The following ADNP2 variants were observed in gnomAD, a reference collection of about 807,000 sequenced individuals.
ADNP2 encodes the protein ADNP homeobox 2.
Under a neutral mutation model 16.4 loss-of-function variants are expected in ADNP2, and 8 were observed. The ratio of observed to expected loss-of-function variants is 0.49; its 90% confidence interval spans 0.29 to 0.88. The LOEUF (loss-of-function observed/expected upper bound fraction) is 0.88. Ranked by LOEUF, ADNP2 falls within the 40% of genes least tolerant of loss-of-function variation. The probability of loss-of-function intolerance (pLI) is 0.09; values close to 1 mark genes in which losing one functional copy is unlikely to be tolerated. For synonymous variants in ADNP2, 637 were observed against 545.8 expected (o/e 1.17, Z -2.33); for missense variants, 1,397 against 1,395.1 (o/e 1.00, Z -0.02).
rs753508145 is a variant in ADNP2 at position 80,138,148 on chromosome 18, C to T, written c.2735C>T (p.Ala912Val). The change falls in exon 4 of 4, where the codon GCC becomes GTC. Residue 912 changes from alanine (A) to valine (V), a missense_variant. Ala to Val is a moderately conservative substitution (Grantham distance 64, BLOSUM62 0). Coordinates refer to ENST00000262198, the MANE Select transcript of ADNP2 (RefSeq NM_014913.4). Reference sequence around the variant, plus strand: ...GTCCACACGGTCCTGAAGTCTCCCGCCTTCAAGTGCATCCACTGCTGTGGG... The same window carrying T: ...GTCCACACGGTCCTGAAGTCTCCCGTCTTCAAGTGCATCCACTGCTGTGGG... ...PTVHTVLKSP[A>V]FKCIHCCGVY... 1.7e-5 allele frequency: 27 copies of T among 1,613,994 alleles called. No individual in the cohort carries two copies. The highest frequency in any genetic ancestry group is 2.2e-5 in the Non-Finnish European group (26 of 1,180,036).
intron 2 of ADNP2, among the ~76,000 whole-genome samples, chr18:80,130,672 T>C (rs1281839011): frequency 6.6e-6 from 1 of 152,204 alleles, no homozygotes; most frequent in Non-Finnish European, 1.5e-5. Flanking sequence ...TCATCAGGAT[T>C]CTGCCCCAGG....
chr18:80,110,406 C>T (rs1214051229), intron 1 of ADNP2, among the ~76,000 whole-genome samples: 2 of 152,198 alleles, frequency 1.3e-5, no homozygotes, highest in African/African-American at 2.4e-5. Flanking sequence ...GAGGAATATA[C>T]TGGCTGTGGA....
At chr18:80,128,172 A>G (rs1350185099) in intron 2 of ADNP2, among the ~76,000 whole-genome samples, 1 of 152,152 alleles carries the variant, frequency 6.6e-6, no homozygotes, top group Non-Finnish European at 1.5e-5. Flanking sequence ...AATTGGGCTT[A>G]GATTCTTGTG....
Position 80,136,265 on chromosome 18 carries a change from C to A in ADNP2, c.852C>A (p.Ser284Arg), listed in dbSNP as rs778905702. The A allele has an allele frequency of 6.2e-7, 1 of 1,613,944 alleles. No individual in the cohort carries two copies. The highest frequency in any genetic ancestry group is 1.1e-5 in the South Asian group (1 of 91,092). The change falls in exon 4 of 4, where the codon AGC (serine) becomes AGA (arginine). Residue 284 changes from serine (S) to arginine (R), a missense_variant. Around this residue, in one of 3 missense-constraint regions of ADNP2, gnomAD observed 777 missense variants for 719.4 expected, o/e 1.08. Coordinates refer to ENST00000262198, the MANE Select transcript of ADNP2 (RefSeq NM_014913.4). ...CACCAGCAAATGGCAGTGCTCCAAGCGCTCCAGCGCAGCCTCCTTGCTTCC... is the reference window on the plus strand; with the variant it reads ...CACCAGCAAATGGCAGTGCTCCAAGAGCTCCAGCGCAGCCTCCTTGCTTCC... ...LAAPANGSAP[S>R]APAQPPCFHL...
At chr18:80,118,783 CT>C (rs916132769) in intron 2 of ADNP2, among the ~76,000 whole-genome samples, 67 of 152,128 alleles carry the variant, frequency 4.4e-4, no homozygotes, top group African/African-American at 1.4e-3. Flanking sequence ...CGGCTGTTTA[CT>C]TTTTTTTCCC....
At chr18:80,118,075 A>G (rs922214655) in intron 2 of ADNP2, among the ~76,000 whole-genome samples, 1 of 152,204 alleles carries the variant, frequency 6.6e-6, no homozygotes, top group African/African-American at 2.4e-5. Context: ...CTGTCCTTAT[A>G]ACATTGAGAA....
intron 2 of ADNP2, among the ~76,000 whole-genome samples, chr18:80,130,579 A>G (rs1472180521): frequency 1.3e-5 from 2 of 152,154 alleles, no homozygotes; most frequent in African/African-American, 2.4e-5. Flanking sequence ...AGAAATGGAA[A>G]ATGTTTTTCT....
At chr18:80,118,031 A>G (rs1395579981) in intron 2 of ADNP2, among the ~76,000 whole-genome samples, 1 of 152,206 alleles carries the variant, frequency 6.6e-6, no homozygotes, top group Non-Finnish European at 1.5e-5. Context: ...GTAGTTGTAT[A>G]TGTGATCTCA....
At chr18:80,129,113 T>TG (rs1014443000) in intron 2 of ADNP2, among the ~76,000 whole-genome samples, 19 of 143,294 alleles carry the variant, frequency 1.3e-4, no homozygotes, top group African/African-American at 4.8e-4. Flanking sequence ...TTGTTTTTTT[T>TG]TTTTTTTTGA....
chr18:80,115,858 C>A (rs1421559317), intron 1 of ADNP2, among the ~76,000 whole-genome samples: 1 of 152,152 alleles, frequency 6.6e-6, no homozygotes, highest in African/African-American at 2.4e-5. Flanking sequence ...TCACTGCAAC[C>A]TCTGTCTCCC....
chr18:80,136,079 C>G lies in ADNP2; in HGVS notation c.666C>G (p.Ala222=), dbSNP rs1297480216. ...PDKYYCKKCN[A]NASSQDALMY... is the part of the protein sequence containing the mutation. ...AATATTACTGTAAAAAGTGCAACGC[C>G]AATGCCAGCAGCCAGGATGCGTTAA... is the stretch of plus-strand genomic sequence containing the variant. The change falls in exon 4 of 4, where the codon GCC becomes GCG. Residue 222 remains alanine (A), a synonymous_variant. Coordinates refer to ENST00000262198, the MANE Select transcript of ADNP2 (RefSeq NM_014913.4). 1 of 1,614,150 alleles carries G rather than the reference C, an allele frequency of 6.2e-7. No individual in the cohort carries two copies. Among genetic ancestry groups the G allele is most frequent in the Middle Eastern group, 1.6e-4 (1 of 6,062 alleles).
At chr18:80,112,272 A>G (rs975240817) in intron 1 of ADNP2, among the ~76,000 whole-genome samples, 3 of 152,198 alleles carry the variant, frequency 2.0e-5, no homozygotes, top group Non-Finnish European at 4.4e-5. Flanking sequence ...GAATGGATCT[A>G]AGAATGAATA....
Position 80,136,562 on chromosome 18 carries a change from G to C in ADNP2, c.1149G>C (p.Lys383Asn). 1 of 1,614,214 alleles carries C rather than the reference G, an allele frequency of 6.2e-7. No individual in the cohort carries two copies. The highest frequency in any genetic ancestry group is 8.5e-7 in the Non-Finnish European group (1 of 1,180,042). Residue 383 changes from lysine to asparagine, a missense_variant, in exon 4 of 4, where the codon AAG becomes AAC. Physicochemically the swap from Lys to Asn is moderately conservative, Grantham distance 94 (BLOSUM62 0). Around this residue, in one of 3 missense-constraint regions of ADNP2, gnomAD observed 777 missense variants for 719.4 expected, o/e 1.08. Coordinates refer to ENST00000262198, the MANE Select transcript of ADNP2 (RefSeq NM_014913.4). ...GTCAGCCAGTCGGACCTGTCAATAA[G>C]TCTGTTGGAACTAGTGTCCTCCCCA... ...PLSQPVGPVN[K>N]SVGTSVLPIN...
At position 80,137,797 on chromosome 18, in the gene ADNP2, GGAA is replaced by G. The variant is rs749513836; in HGVS notation, c.2392_2394del (p.Lys798del). 1.5e-5 allele frequency: 25 copies of G among 1,614,158 alleles called. No individual in the cohort carries two copies. Among genetic ancestry groups the G allele is most frequent in the South Asian group, 2.2e-5 (2 of 91,080 alleles). ...GAGCACAGCAGGAATAGGCACCTGG[GGAA>G]GAAGAAGTTGCCTATGGATTATAGC... On this transcript the variant is annotated inframe_deletion, in exon 4 of 4. Coordinates refer to ENST00000262198, the MANE Select transcript of ADNP2 (RefSeq NM_014913.4). This position sits in a 1 kb window ranked among gnomAD's most constrained non-coding sequence, Gnocchi z 4.2.
At chr18:80,132,024 T>C (rs2052041386) in intron 2 of ADNP2, among the ~76,000 whole-genome samples, 1 of 152,224 alleles carries the variant, frequency 6.6e-6, no homozygotes, top group Non-Finnish European at 1.5e-5. Context: ...GAAGTACTTT[T>C]TTGTTTCTTT....
chr18:80,138,816 CAAAAA>C lies in ADNP2; in HGVS notation c.*17_*21del. 1 of 1,227,406 alleles carries C rather than the reference CAAAAA, an allele frequency of 8.1e-7. No homozygotes were observed. The highest frequency in any genetic ancestry group is 1.1e-6 in the Non-Finnish European group (1 of 926,614). 76.0% of individuals were successfully genotyped at this position (1,227,406 alleles called of 1,614,324 possible). Reference sequence around the variant, plus strand: ...CTTTGAATATGAACCATAAAACTTGCAAAAAAAAAAAAAAGTAACTCTAAAGTAGT... The same window carrying C: ...CTTTGAATATGAACCATAAAACTTGCAAAAAAAAAGTAACTCTAAAGTAGT... On this transcript the variant is annotated 3_prime_UTR_variant, in exon 4 of 4. Coordinates refer to ENST00000262198, the MANE Select transcript of ADNP2 (RefSeq NM_014913.4).
intron 2 of ADNP2, among the ~76,000 whole-genome samples, chr18:80,127,336 TCA>T (rs1378464139): frequency 8.7e-6 from 1 of 114,440 alleles, no homozygotes; most frequent in African/African-American, 3.4e-5. Context: ...TGGGGTTTTT[TCA>T]GTTTTTTTTT....
At chr18:80,121,728 C>T (rs536836728) in intron 2 of ADNP2, among the ~76,000 whole-genome samples, 45 of 152,140 alleles carry the variant, frequency 3.0e-4, no homozygotes, top group African/African-American at 1.0e-3. Flanking sequence ...AGTAGGAGTC[C>T]GGTTTCATTC....
Position 80,137,856 on chromosome 18 carries a change from A to C in ADNP2, c.2443A>C (p.Asn815His), listed in dbSNP as rs922508061. 14 of 1,613,948 alleles carry C rather than the reference A, an allele frequency of 8.7e-6. No homozygotes were observed. The highest frequency in any genetic ancestry group is 2.5e-6 in the Non-Finnish European group (3 of 1,180,036). ...AGGTTTTCAATTAGATGTCGATGCC[A>C]ATGGCAACCTGCTCTTTCCCCACCT... ...NRGFQLDVDA[N>H]GNLLFPHLDF... The change falls in exon 4 of 4, where the codon AAT becomes CAT. Residue 815 changes from asparagine to histidine, a missense_variant. Around this residue, in one of 3 missense-constraint regions of ADNP2, gnomAD observed 611 missense variants for 648.7 expected, o/e 0.94. Coordinates refer to ENST00000262198, the MANE Select transcript of ADNP2 (RefSeq NM_014913.4). The surrounding 1 kb of genome is among the most constrained non-coding windows in gnomAD (Gnocchi z 4.2).
Sources: allele counts gnomAD v4.1 joint callset (sites outside exome capture counted in the v4.1 genomes callset), GRCh38; gene constraint gnomAD v4.1.1; regional missense constraint gnomAD v4.1.1; non-coding constraint Gnocchi (gnomAD v3.1); transcripts MANE v1.5; gene names NCBI Gene and HGNC (gene_info 2026-07-23, HGNC 2026-07-21).